NAA16: variants seen among roughly 807,000 people sequenced by gnomAD.
The protein encoded by NAA16 is NARG1-like protein.
In NAA16, 97 loss-of-function variants were observed where a neutral mutation model predicts 110.3. The ratio of observed to expected loss-of-function variants is 0.88; its 90% CI spans 0.75 to 1.04. The LOEUF (loss-of-function observed/expected upper bound fraction) is 1.04. Among genes scored for constraint, NAA16 ranks in the 50% least tolerant of loss-of-function variants. The pLI is 0.00. For synonymous variants in NAA16, 372 were observed against 330.6 expected (o/e 1.13, Z -1.36); for missense variants, 1,017 against 1,005.1 (o/e 1.01, Z -0.16).
Position 41,320,578 on chromosome 13 carries a change from T to TA in NAA16, c.245-88dup, listed in dbSNP as rs895314700. On this transcript the variant is annotated intron_variant, in intron 3 of 19. Coordinates refer to ENST00000379406, the MANE Select transcript of NAA16 (RefSeq NM_024561.5). Reference sequence around the variant, plus strand: ...CATTCTGAACAAATCCCAGGCAAAATACCATTTCCTTAATGTAACTTTTAT... The same window carrying TA: ...CATTCTGAACAAATCCCAGGCAAAATAACCATTTCCTTAATGTAACTTTTAT... 1.2e-5 allele frequency: 15 copies of TA among 1,258,294 alleles called. No homozygotes were observed. The African/African-American group carries it at 2.2e-4, about 18-fold the overall frequency. The allele number at this position is 1,258,294 out of a possible 1,614,324, so 77.9% of individuals were successfully genotyped here.
chr13:41,328,305 A>G (rs1289610134), intron 6 of NAA16, among the ~76,000 whole-genome samples: 1 of 152,128 alleles, frequency 6.6e-6, no homozygotes, highest in Non-Finnish European at 1.5e-5. Flanking sequence ...TGAAACAATG[A>G]GAATTGAGTG....
At chr13:41,333,332 GTATA>G (rs766552809) in intron 8 of NAA16, among the ~76,000 whole-genome samples, 4 of 152,030 alleles carry the variant, frequency 2.6e-5, no homozygotes, top group Admixed American at 6.6e-5. Context: ...CAGTGTTTTA[GTATA>G]TTAATCATGT....
intron 15 of NAA16, among the ~76,000 whole-genome samples, chr13:41,369,823 G>T (rs546238160): frequency 6.6e-6 from 1 of 152,248 alleles, no homozygotes; most frequent in Non-Finnish European, 1.5e-5. Flanking sequence ...TTCCCCCTTC[G>T]AATCTCCAAA....
chr13:41,354,833 A>G lies in NAA16; in HGVS notation c.1015-311A>G, dbSNP rs2042938198. 2.7e-5 allele frequency among the ~76,000 whole-genome samples: 4 copies of G among 150,532 alleles called. No individual in the cohort carries two copies. In the South Asian group the frequency reaches 8.3e-4, roughly 31 times the overall value. The stretch of plus-strand genomic sequence containing the variant: ...TCATTTCACTTTTTTGCAATGCATG[A>G]CATTTTAGAAAATCTGAATATTTAT... On this transcript the variant is annotated intron_variant, in intron 9 of 19. Coordinates refer to ENST00000379406, the MANE Select transcript of NAA16 (RefSeq NM_024561.5).
At chr13:41,375,258 G>A (rs1035874433) in intron 19 of NAA16, 147 bp from the exon 20 acceptor site, 39 of 562,988 alleles carry the variant, frequency 6.9e-5, no homozygotes, top group African/African-American at 6.7e-4. Context: ...CTTTTTTGAG[G>A]TGATTGCTTA....
At chr13:41,363,578 C>T (rs2043154579) in intron 13 of NAA16, among the ~76,000 whole-genome samples, 1 of 152,038 alleles carries the variant, frequency 6.6e-6, no homozygotes, top group Admixed American at 6.6e-5. Context: ...TTAGATTATA[C>T]TTTCCCTTAA....
chr13:41,314,988 T>C (rs1414221519), intron 1 of NAA16, among the ~76,000 whole-genome samples: 1 of 152,114 alleles, frequency 6.6e-6, no homozygotes, highest in African/African-American at 2.4e-5. Flanking sequence ...AGTGAGACTG[T>C]CTCTAAAAAA....
At chr13:41,366,317 A>C (rs1186472413) in intron 13 of NAA16, among the ~76,000 whole-genome samples, 4 of 152,200 alleles carry the variant, frequency 2.6e-5, no homozygotes. Context: ...AGCAATTATC[A>C]GATGATTATG....
intron 4 of NAA16, among the ~76,000 whole-genome samples, chr13:41,322,242 G>A (rs545697290): frequency 6.6e-5 from 10 of 152,248 alleles, no homozygotes; most frequent in Admixed American, 3.9e-4. Context: ...AGCTGGTGGT[G>A]AAAGTGTGAA....
intron 6 of NAA16, 73 bp from the exon 7 acceptor site, chr13:41,328,651 T>A: frequency 7.9e-7 from 1 of 1,258,122 alleles, no homozygotes; most frequent in Non-Finnish European, 1.1e-6. Context: ...TCACTGATAA[T>A]GTTTAGTGAA....
intron 5 of NAA16, among the ~76,000 whole-genome samples, 163 bp downstream of exon 5, chr13:41,323,353 CTT>C (rs372356009): frequency 2.8e-5 from 4 of 145,304 alleles, no homozygotes; most frequent in Admixed American, 6.8e-5. Context: ...TTTTCTCTCT[CTT>C]TTTTTTTTTT....
chr13:41,374,216 A>G (rs1339628266), intron 18 of NAA16, among the ~76,000 whole-genome samples: 2 of 151,210 alleles, frequency 1.3e-5, no homozygotes, highest in East Asian at 1.9e-4. Flanking sequence ...TCTAATTTAT[A>G]GGAGAAATAT....
chr13:41,322,905 G>T (rs1222098857), intron 4 of NAA16, 151 bp from the exon 5 acceptor site: 2 of 731,224 alleles, frequency 2.7e-6, no homozygotes, highest in African/African-American at 1.8e-5. Flanking sequence ...AGTATTTTAG[G>T]TAGGAAACAT....
chr13:41,374,704 T>C (rs754263746), intron 18 of NAA16, 38 bp from the exon 19 acceptor site: 3 of 1,271,656 alleles, frequency 2.4e-6, no homozygotes, highest in Non-Finnish European at 3.4e-6. Context: ...ATGTAAAGTA[T>C]AGGTGTTTAT....
rs1427955737 is a variant in NAA16 at position 41,376,291 on chromosome 13, A to C, written c.*689A>C. On this transcript the variant is annotated 3_prime_UTR_variant, in exon 20 of 20. Coordinates refer to ENST00000379406, the MANE Select transcript of NAA16 (RefSeq NM_024561.5). ...GCAACAGAGCAAGACTCCATCTCGA[A>C]AAAAAGGAATTCCTCTTGGCAGATA... 1 of 152,240 alleles carries C rather than the reference A, an allele frequency of 6.6e-6. No individual in the cohort carries two copies. The highest frequency in any genetic ancestry group is 1.5e-5 in the Non-Finnish European group (1 of 68,044). The allele number at this position is 152,240 out of a possible 1,614,324, so 9.4% of individuals were successfully genotyped here.
intron 13 of NAA16, 60 bp from the exon 14 acceptor site, chr13:41,367,379 C>A: frequency 8.5e-7 from 1 of 1,169,622 alleles, no homozygotes; most frequent in Non-Finnish European, 1.2e-6. Flanking sequence ...TTTTTTTTTT[C>A]TAAAGGTAGA....
chr13:41,324,524 C>T (rs986484916), intron 5 of NAA16, among the ~76,000 whole-genome samples: 1 of 151,208 alleles, frequency 6.6e-6, no homozygotes, highest in African/African-American at 2.4e-5. Context: ...TACAGGCCCC[C>T]ACCACTGGGT....
chr13:41,343,143 C>T (rs1438398477), intron 9 of NAA16, among the ~76,000 whole-genome samples: 1 of 152,174 alleles, frequency 6.6e-6, no homozygotes, highest in Non-Finnish European at 1.5e-5. Context: ...ATCTGTCTCT[C>T]AGGCTGGAGA....
chr13:41,318,205 A>ATT (rs771469935), intron 2 of NAA16, among the ~76,000 whole-genome samples: 6 of 142,718 alleles, frequency 4.2e-5, no homozygotes, highest in African/African-American at 1.0e-4. Context: ...CTGCTTTGTA[A>ATT]TTTTTTTTTT....
Sources: gnomAD v4.1 joint callset for allele counts (sites outside exome capture counted in the v4.1 genomes callset) on GRCh38, gnomAD v4.1.1 for gene constraint, MANE v1.5 for transcripts, NCBI Gene and HGNC (gene_info 2026-07-23, HGNC 2026-07-21) for gene names.